The following THSD7B variants were observed in gnomAD, a reference collection of about 807,000 sequenced individuals.
THSD7B encodes thrombospondin type 1 domain containing 7B.
A neutral mutation model predicts 213.6 loss-of-function variants in THSD7B; 138 were observed. The ratio of observed to expected loss-of-function variants is 0.65; its 90% CI spans 0.56 to 0.74. The LOEUF is 0.74. Among genes scored for constraint, THSD7B ranks in the 30% least tolerant of loss-of-function variants. The probability of loss-of-function intolerance (pLI) is 0.00; values close to 1 mark genes in which losing one functional copy is unlikely to be tolerated. For missense variants in THSD7B, 1,931 were observed against 1,991.5 expected, an observed-to-expected ratio of 0.97 and a Z score of 0.58; for synonymous variants, 742 against 687.0, an observed-to-expected ratio of 1.08 and a Z score of -1.25.
rs186635032 is a variant in THSD7B, at chr2:136,862,893, A to G, written c.-35-19251A>G. ...TTTCAGGGACTTAACTGCTAACTTA[A>G]TGGGCCTGATTTTCCAAATCCGTTG... is the stretch of plus-strand genomic sequence containing the variant. On this transcript the variant is annotated intron_variant, in intron 1 of 27. Transcript: ENST00000409968. 4.2e-3 allele frequency among the ~76,000 whole-genome samples: 640 copies of G among 152,268 alleles called. 2 individuals are homozygous for G. The highest frequency in any genetic ancestry group is 3.9e-3 in the Admixed American group (60 of 15,294).
intron 14 of THSD7B, among the ~76,000 whole-genome samples, chr2:137,444,174 G>A (rs1445938596): frequency 1.3e-5 from 2 of 151,928 alleles, no homozygotes; most frequent in East Asian, 1.9e-4. Context: ...AACAAGGTTG[G>A]AAGCATCTTT....
chr2:137,650,400 A>G (rs1683115547), intron 21 of THSD7B, among the ~76,000 whole-genome samples: 1 of 152,208 alleles, frequency 6.6e-6, no homozygotes, highest in Admixed American at 6.5e-5. Context: ...GTTGGTGTAT[A>G]TAAATGCTAC....
intron 2 of THSD7B, among the ~76,000 whole-genome samples, chr2:136,935,205 T>C (rs1393113503): frequency 6.6e-6 from 1 of 152,214 alleles, no homozygotes; most frequent in Admixed American, 6.5e-5. Flanking sequence ...TTTGTATTTA[T>C]GCAGAACACT....
intron 11 of THSD7B, 102 bp from the exon 12 acceptor site, chr2:137,275,821 A>T: frequency 1.2e-6 from 1 of 827,146 alleles, no homozygotes; most frequent in East Asian, 2.8e-5. Context: ...ATTTTTATTG[A>T]ATTACTGTCT....
intron 12 of THSD7B, among the ~76,000 whole-genome samples, chr2:137,390,600 T>C (rs892080772): frequency 1.3e-5 from 2 of 152,216 alleles, no homozygotes; most frequent in Non-Finnish European, 2.9e-5. Flanking sequence ...TGGATATCCT[T>C]GTCTTGTTCT....
intron 2 of THSD7B, among the ~76,000 whole-genome samples, chr2:137,048,111 A>C (rs1420686868): frequency 6.7e-6 from 1 of 148,870 alleles, no homozygotes; most frequent in Non-Finnish European, 1.5e-5. Flanking sequence ...CCCAGTGTCC[A>C]TGTGTTCTCA....
At position 136,939,742 on chromosome 2, in the gene THSD7B, C is replaced by G. The variant is rs149771305; in HGVS notation, c.139+57425C>G. Among the ~76,000 whole-genome samples, 13 of 152,294 alleles carry G rather than the reference C, an allele frequency of 8.5e-5. No individual in the cohort carries two copies. In the East Asian group the frequency reaches 2.5e-3, roughly 29 times the overall value. ...TTACCTCTACACACGTTGTTCCCTT[C>G]TCGCTTCACAGGCACAAATTATACC... On this transcript the variant is annotated intron_variant, in intron 2 of 27. Transcript: ENST00000409968.
chr2:137,068,876 G>A (rs1007166837), intron 3 of THSD7B, among the ~76,000 whole-genome samples: 2 of 151,950 alleles, frequency 1.3e-5, no homozygotes, highest in Non-Finnish European at 2.9e-5. Flanking sequence ...CTTCTATAAT[G>A]TAAACTCCTG....
chr2:137,179,270 C>T (rs971601037), intron 7 of THSD7B, among the ~76,000 whole-genome samples: 2 of 152,066 alleles, frequency 1.3e-5, no homozygotes, highest in African/African-American at 4.8e-5. Flanking sequence ...CACTGTAATG[C>T]GAATAACAGG....
At chr2:136,883,351 A>AAC (rs1683657756) in intron 2 of THSD7B, among the ~76,000 whole-genome samples, 3 of 151,332 alleles carry the variant, frequency 2.0e-5, no homozygotes, top group Non-Finnish European at 3.0e-5. Flanking sequence ...TAAAAAAAAA[A>AAC]CACAGCCACC....
At chr2:137,052,841 T>A (rs1687093918) in intron 2 of THSD7B, among the ~76,000 whole-genome samples, 1 of 152,322 alleles carries the variant, frequency 6.6e-6, no homozygotes, top group East Asian at 1.9e-4. Context: ...GCCTGAGAAC[T>A]GCAAATGGCT....
chr2:137,106,318 G>A lies in THSD7B; in HGVS notation c.1200-8806G>A, dbSNP rs541364929. 2.6e-5 allele frequency among the ~76,000 whole-genome samples: 4 copies of A among 152,266 alleles called. No homozygotes were observed. The East Asian group carries it at 7.7e-4, about 29-fold the overall frequency. ...GGAAAGGATTCCCTGTTTAATAAAT[G>A]GTGTTGGGAAAACTGGCTAGCCATA... On this transcript the variant is annotated intron_variant, in intron 4 of 27. Transcript: ENST00000409968.
intron 2 of THSD7B, among the ~76,000 whole-genome samples, chr2:137,047,171 A>G (rs1686986761): frequency 6.6e-6 from 1 of 152,158 alleles, no homozygotes; most frequent in African/African-American, 2.4e-5. Context: ...ATGCGAGAGA[A>G]AGCAATGGTC....
intron 15 of THSD7B, among the ~76,000 whole-genome samples, chr2:137,483,716 T>C (rs541622596): frequency 6.6e-6 from 1 of 152,050 alleles, no homozygotes; most frequent in Non-Finnish European, 1.5e-5. Flanking sequence ...TTCTAACAAG[T>C]AGAAAATGGG....
intron 17 of THSD7B, among the ~76,000 whole-genome samples, chr2:137,612,504 G>A (rs1682307387): frequency 6.6e-6 from 1 of 152,188 alleles, no homozygotes; most frequent in Admixed American, 6.5e-5. Context: ...TCAGAACTCA[G>A]TAACATGGTC....
intron 10 of THSD7B, among the ~76,000 whole-genome samples, chr2:137,272,125 T>C (rs756685298): frequency 6.6e-6 from 1 of 152,092 alleles, no homozygotes; most frequent in Non-Finnish European, 1.5e-5. Context: ...TTTGTTTGCA[T>C]TATAAAAAAT....
chr2:137,624,450 A>G (rs1682583786), intron 20 of THSD7B, among the ~76,000 whole-genome samples: 1 of 152,244 alleles, frequency 6.6e-6, no homozygotes, highest in Admixed American at 6.5e-5. Flanking sequence ...ACCAAAAACA[A>G]TGGCAACAAA....
chr2:136,860,702 T>C, intron 1 of THSD7B, among the ~76,000 whole-genome samples: 1 of 152,228 alleles, frequency 6.6e-6, no homozygotes, highest in East Asian at 1.9e-4. Flanking sequence ...ATATCTAGTC[T>C]CCTGGTTTCC....
chr2:137,097,369 C>T (rs539463125), intron 4 of THSD7B, among the ~76,000 whole-genome samples: 13 of 152,026 alleles, frequency 8.6e-5, no homozygotes, highest in Non-Finnish European at 1.5e-4. Context: ...ATAATTATAG[C>T]AGAGTTATAA....
Sources: gnomAD v4.1 joint callset for allele counts (sites outside exome capture counted in the v4.1 genomes callset) on GRCh38, gnomAD v4.1.1 for gene constraint, MANE v1.5 for transcripts, NCBI Gene and HGNC (gene_info 2026-07-23, HGNC 2026-07-21) for gene names.